NTAQ1: variants seen among roughly 807,000 people sequenced by gnomAD.
The protein encoded by NTAQ1 is protein N-terminal glutamine amidohydrolase.
NTAQ1 carries 21 observed loss-of-function variants against 28.2 expected under a neutral mutation model. The ratio of observed to expected loss-of-function variants is 0.74; its 90% CI spans 0.53 to 1.07. The LOEUF (loss-of-function observed/expected upper bound fraction) is 1.07, where lower values mean the gene tolerates loss of function less well. NTAQ1 is among the 50% of genes least tolerant of loss of function. The pLI is 0.00. For synonymous variants in NTAQ1, 105 were observed against 90.0 expected (o/e 1.17, Z -0.94); for missense variants, 264 against 256.6 (o/e 1.03, Z -0.20).
chr8:123,458,070 AAAAC>A (rs1479017546), intron 6 of NTAQ1, among the ~76,000 whole-genome samples: 2 of 146,204 alleles, frequency 1.4e-5, no homozygotes, highest in Non-Finnish European at 3.0e-5. Context: ...ATAAAAAAAA[AAAAC>A]AAATAAATCA....
downstream of NTAQ1, among the ~76,000 whole-genome samples, chr8:123,449,974 T>TATATATATATATATATATAA (rs371673968): frequency 1.4e-4 from 8 of 56,104 alleles, no homozygotes; most frequent in African/African-American, 4.2e-4. Context: ...TATATATATA[T>TATATATATATATATATATAA]GCTGGATAAA....
At chr8:123,463,961 C>T (rs546724708) in intron 6 of NTAQ1, among the ~76,000 whole-genome samples, 50 of 152,294 alleles carry the variant, frequency 3.3e-4, no homozygotes, top group Non-Finnish European at 5.6e-4. Flanking sequence ...ATAGTGAATA[C>T]ATCTCACGAG....
At chr8:123,429,874 TGTCTCAAAAAAAAAAAAAAAAAATCCC>T (rs1294078552) in intron 2 of NTAQ1, 82 bp from the exon 3 acceptor site, 104,722 of 672,648 alleles carry the variant, frequency 0.16, 2,685 homozygotes, top group Admixed American at 0.25. Flanking sequence ...AGCAGGACTC[TGTCTCAAAAAAAAAAAAAAAAAATCCC>T]GTCTCAAAAA....
chr8:123,425,396 C>G (rs1813988654), intron 1 of NTAQ1, among the ~76,000 whole-genome samples: 1 of 151,780 alleles, frequency 6.6e-6, no homozygotes, highest in African/African-American at 2.4e-5. Context: ...CCGGCCCAGT[C>G]AGTAAATTTT....
downstream of NTAQ1, chr8:123,442,385 G>C (rs552369367): frequency 6.6e-6 from 1 of 152,192 alleles, no homozygotes; most frequent in Admixed American, 6.5e-5. Context: ...GGATCATGAG[G>C]TCAGGAGTTT....
chr8:123,459,534 C>T (rs1815755421), intron 6 of NTAQ1, among the ~76,000 whole-genome samples: 1 of 152,150 alleles, frequency 6.6e-6, no homozygotes, highest in Admixed American at 6.5e-5. Flanking sequence ...TTCCAGTGAG[C>T]AGCCCCTGTC....
intron 6 of NTAQ1, among the ~76,000 whole-genome samples, chr8:123,457,776 G>GT (rs1381449434): frequency 1.1e-4 from 16 of 151,682 alleles, no homozygotes; most frequent in African/African-American, 3.9e-4. Flanking sequence ...GCTCACGCCT[G>GT]TAATCCCAGC....
At chr8:123,460,814 G>A (rs1312029445) in intron 6 of NTAQ1, among the ~76,000 whole-genome samples, 3 of 152,102 alleles carry the variant, frequency 2.0e-5, no homozygotes, top group South Asian at 2.1e-4. Context: ...TTGGTTTGAC[G>A]ACGTAGTGGA....
In NTAQ1 at chr8:123,416,922, A is replaced by C. The variant is rs1813330325; in HGVS notation, c.73A>C (p.Ser25Arg). 1.3e-6 allele frequency: 2 copies of C among 1,509,124 alleles called. No individual in the cohort carries two copies. Among genetic ancestry groups the C allele is most frequent in the Non-Finnish European group, 1.8e-6 (2 of 1,128,802 alleles). The allele number at this position is 1,509,124 out of a possible 1,614,324, so 93.5% of individuals were successfully genotyped here. ...CCCGCGGGACGCCTGCGTCTACAGC[A>C]GCTGCTACTGGTGAGGGGGCGCGGG... is the stretch of plus-strand genomic sequence containing the variant. The part of the protein sequence containing the change: ...SPPRDACVYS[S>R]CYCEENIWKL... The change falls in exon 1 of 6, where the codon AGC becomes CGC. Residue 25 changes from serine to arginine, a missense_variant. Coordinates refer to ENST00000287387, the MANE Select transcript of NTAQ1 (RefSeq NM_018024.3).
intron 1 of NTAQ1, among the ~76,000 whole-genome samples, chr8:123,418,280 G>C (rs1813433569): frequency 1.3e-5 from 2 of 152,004 alleles, no homozygotes; most frequent in South Asian, 4.1e-4. Flanking sequence ...CAGAAACCCT[G>C]CCTCTACTAA....
In NTAQ1 at chr8:123,437,330, T is replaced by G. The variant is rs1165006729; in HGVS notation, c.504T>G (p.Thr168=). 13 of 1,613,942 alleles carry G rather than the reference T, an allele frequency of 8.1e-6. No individual in the cohort carries two copies. Among genetic ancestry groups the G allele is most frequent in the Non-Finnish European group, 1.1e-5 (13 of 1,179,914 alleles). Reference sequence around the variant, plus strand: ...CGCCGCCATATCCCTGCATTGAGACTGGAGGTGAGCCAAGATGCCTTCTCA... The same window carrying G: ...CGCCGCCATATCCCTGCATTGAGACGGGAGGTGAGCCAAGATGCCTTCTCA... ...EPPPPYPCIE[T]GDSKMNLNDF... Residue 168 remains threonine, a synonymous_variant, in exon 5 of 6, where the codon ACT becomes ACG. Transcript: ENST00000287387.
intron 6 of NTAQ1, among the ~76,000 whole-genome samples, chr8:123,459,800 CT>C (rs35644112): frequency 8.2e-4 from 98 of 119,602 alleles, no homozygotes; most frequent in Middle Eastern, 4.5e-3. Flanking sequence ...ATACATCATT[CT>C]TTTTTTTTTT....
chr8:123,438,862 C>G (rs992571803), intron 5 of NTAQ1, among the ~76,000 whole-genome samples: 4 of 152,088 alleles, frequency 2.6e-5, no homozygotes, highest in Non-Finnish European at 5.9e-5. Context: ...GCTTCCTGGC[C>G]TCAGTGTGAG....
chr8:123,453,613 A>C (rs1815567571), intron 6 of NTAQ1, among the ~76,000 whole-genome samples: 1 of 152,014 alleles, frequency 6.6e-6, no homozygotes, highest in African/African-American at 2.4e-5. Context: ...TTTTTAGTAG[A>C]GACGGGTTCA....
chr8:123,428,809 C>T (rs1241538496), intron 2 of NTAQ1, among the ~76,000 whole-genome samples: 1 of 152,102 alleles, frequency 6.6e-6, no homozygotes, highest in East Asian at 1.9e-4. Context: ...TCCATGTTGG[C>T]CAGTCTGGTC....
At chr8:123,420,860 G>T (rs140177831) in intron 1 of NTAQ1, among the ~76,000 whole-genome samples, 46 of 151,884 alleles carry the variant, frequency 3.0e-4, no homozygotes, top group African/African-American at 1.1e-3. Context: ...TGCAATCTAG[G>T]CTCGCTGCAA....
At chr8:123,452,378 C>T (rs977450775), downstream of NTAQ1, among the ~76,000 whole-genome samples, 1 of 152,248 alleles carries the variant, frequency 6.6e-6, no homozygotes, top group Non-Finnish European at 1.5e-5. Flanking sequence ...CGGTGGATCA[C>T]TTAAGGTCAG....
intron 1 of NTAQ1, among the ~76,000 whole-genome samples, chr8:123,417,151 G>A (rs1813348664): frequency 6.6e-6 from 1 of 152,238 alleles, no homozygotes; most frequent in South Asian, 2.1e-4. Context: ...GAATCATAGG[G>A]TCGATAGTGC....
At chr8:123,437,090 C>A in intron 4 of NTAQ1, 120 bp from the exon 5 acceptor site, 2 of 1,317,630 alleles carry the variant, frequency 1.5e-6, no homozygotes, top group Admixed American at 2.1e-5. Flanking sequence ...GTATTACTAA[C>A]CATACAGAAA....
Sources: allele counts gnomAD v4.1 joint callset (sites outside exome capture counted in the v4.1 genomes callset), GRCh38; gene constraint gnomAD v4.1.1; transcripts MANE v1.5; gene names NCBI Gene and HGNC (gene_info 2026-07-23, HGNC 2026-07-21).